LIMA1: variants seen among roughly 807,000 people sequenced by gnomAD.
LIMA1 encodes LIM domain and actin binding 1, also known as LIM domain and actin-binding protein 1.
In LIMA1, 52 loss-of-function variants were observed where a neutral mutation model predicts 62.6. That is an observed-to-expected ratio of 0.83 (90% CI 0.67 to 1.05). LIMA1 has a LOEUF of 1.05. Among genes scored for constraint, LIMA1 ranks in the 50% least tolerant of loss-of-function variants. The pLI is 0.00. For missense variants in LIMA1, 780 were observed against 902.2 expected, an observed-to-expected ratio of 0.86 and a Z score of 1.74; for synonymous variants, 302 against 317.8, an observed-to-expected ratio of 0.95 and a Z score of 0.53.
intron 1 of LIMA1, among the ~76,000 whole-genome samples, chr12:50,280,092 T>A (rs2138718907): frequency 6.6e-6 from 1 of 151,514 alleles, no homozygotes; most frequent in East Asian, 1.9e-4. Flanking sequence ...TACAAAAAAG[T>A]TGCATCTTTT....
At chr12:50,262,973 T>C (rs1412366889) in intron 1 of LIMA1, among the ~76,000 whole-genome samples, 2 of 152,202 alleles carry the variant, frequency 1.3e-5, no homozygotes, top group African/African-American at 4.8e-5. Flanking sequence ...AAAAGTACAC[T>C]GAGGTTTGGA....
At chr12:50,191,669 AAGTT>A (rs1267631663) in intron 9 of LIMA1, among the ~76,000 whole-genome samples, 2 of 151,660 alleles carry the variant, frequency 1.3e-5, no homozygotes, top group East Asian at 1.9e-4. Flanking sequence ...AAACTACAAA[AAGTT>A]AGCCGGGCGT....
chr12:50,222,584 C>T lies in LIMA1; in HGVS notation c.166-99G>A, dbSNP rs541777691. The T allele has an allele frequency of 6.4e-6, 10 of 1,563,956 alleles. No homozygotes were observed. In the South Asian group the frequency reaches 1.0e-4, roughly 16 times the overall value. Reference sequence around the variant, plus strand: ...TGAAAGTTAAAACTCCAAGCTGCTCCTGGTCCACTGCTGTTTCAGACAGCT... The same window carrying T: ...TGAAAGTTAAAACTCCAAGCTGCTCTTGGTCCACTGCTGTTTCAGACAGCT... On this transcript the variant is annotated intron_variant, in intron 3 of 10. Transcript: ENST00000341247.
rs1353573287 is a variant in LIMA1 at position 50,275,674 on chromosome 12, G to T, written c.-24+7746C>A. Among the ~76,000 whole-genome samples the T allele has an allele frequency of 2.0e-5, 3 of 152,158 alleles. No individual in the cohort carries two copies. In the East Asian group the frequency reaches 5.8e-4, roughly 29 times the overall value. On this transcript the variant is annotated intron_variant, in intron 1 of 10. Coordinates refer to ENST00000341247, the MANE Select transcript of LIMA1 (RefSeq NM_016357.5). ...AAAAGGATTTCAACAAGAGGGTGGG[G>T]AAGGGGAGGAGCATGAGGCTGTGGT...
At chr12:50,204,431 G>C in intron 6 of LIMA1, 121 bp downstream of exon 6, 1 of 1,142,520 alleles carries the variant, frequency 8.8e-7, no homozygotes. Flanking sequence ...TGTGAAAAGA[G>C]AACAGCTAGG....
intron 3 of LIMA1, among the ~76,000 whole-genome samples, chr12:50,223,299 A>T (rs1941478371): frequency 6.6e-6 from 1 of 152,000 alleles, no homozygotes; most frequent in Admixed American, 6.6e-5. Context: ...CCAGACCAAC[A>T]TGGAGAAACC....
intron 2 of LIMA1, among the ~76,000 whole-genome samples, chr12:50,247,404 C>G (rs1217640304): frequency 6.6e-6 from 1 of 151,798 alleles, no homozygotes; most frequent in Non-Finnish European, 1.5e-5. Flanking sequence ...CCAAGCCAAA[C>G]AGCCACATGG....
chr12:50,205,838 A>C (rs914367556), intron 5 of LIMA1, 146 bp downstream of exon 5: 39 of 359,444 alleles, frequency 1.1e-4, no homozygotes, highest in Non-Finnish European at 1.9e-4. Context: ...GAGCAATGAG[A>C]TTTGAGAATG....
chr12:50,195,435 AG>A (rs1192046009), intron 8 of LIMA1, among the ~76,000 whole-genome samples: 1 of 152,204 alleles, frequency 6.6e-6, no homozygotes, highest in Admixed American at 6.6e-5. Flanking sequence ...TATCTTTAAC[AG>A]ATTATTCAAA....
chr12:50,269,913 T>G (rs1592568941), intron 1 of LIMA1, among the ~76,000 whole-genome samples: 1 of 88,516 alleles, frequency 1.1e-5, no homozygotes, highest in African/African-American at 5.1e-5. Context: ...AGAGCAAAAC[T>G]CCGTCAAATA....
intron 6 of LIMA1, chr12:50,201,288 A>G (rs2138470603): frequency 2.0e-6 from 2 of 1,008,342 alleles, no homozygotes; most frequent in East Asian, 2.1e-4. Flanking sequence ...TGCCAATAAT[A>G]GAAAATATAC....
intron 1 of LIMA1, among the ~76,000 whole-genome samples, chr12:50,262,256 A>G (rs2138674774): frequency 6.6e-6 from 1 of 152,310 alleles, no homozygotes; most frequent in African/African-American, 2.4e-5. Flanking sequence ...AAGGAAGATG[A>G]GAAATAAAGG....
intron 1 of LIMA1, among the ~76,000 whole-genome samples, chr12:50,265,471 GA>G (rs1443654521): frequency 6.7e-6 from 1 of 150,272 alleles, no homozygotes; most frequent in Non-Finnish European, 1.5e-5. Flanking sequence ...GGTGAGCCAA[GA>G]TCACACCATT....
At chr12:50,258,867 C>T (rs749532227) in intron 1 of LIMA1, among the ~76,000 whole-genome samples, 4 of 150,458 alleles carry the variant, frequency 2.7e-5, no homozygotes, top group African/African-American at 4.9e-5. Context: ...AGGATGGTCT[C>T]GATCTCTTGA....
At chr12:50,234,779 C>T (rs546023862) in intron 2 of LIMA1, among the ~76,000 whole-genome samples, 7 of 152,080 alleles carry the variant, frequency 4.6e-5, no homozygotes, top group African/African-American at 1.4e-4. Context: ...TTTGGGAGGC[C>T]GAGCTGGGCG....
chr12:50,188,293 A>ACTT (rs2138409773), intron 9 of LIMA1: 1 of 152,294 alleles, frequency 6.6e-6, no homozygotes, highest in South Asian at 2.1e-4. Context: ...TGGAGAAACA[A>ACTT]CTTCTGTTCA....
At chr12:50,237,411 C>T (rs1471875168) in intron 2 of LIMA1, among the ~76,000 whole-genome samples, 8 of 152,012 alleles carry the variant, frequency 5.3e-5, no homozygotes, top group African/African-American at 7.2e-5. Flanking sequence ...CCAAGGCGGG[C>T]GGATCTCCTG....
chr12:50,193,643 TG>T (rs1940853015), intron 8 of LIMA1, among the ~76,000 whole-genome samples: 1 of 86,506 alleles, frequency 1.2e-5, no homozygotes, highest in African/African-American at 5.7e-5. Context: ...TGTGTGTGTG[TG>T]TGTGTGTATA....
chr12:50,263,671 C>T (rs77754599), intron 1 of LIMA1, among the ~76,000 whole-genome samples: 3,467 of 151,090 alleles, frequency 0.023, 128 homozygotes, highest in African/African-American at 0.08. Flanking sequence ...AAACTGGAAC[C>T]GTTATACACT....
Sources: allele counts gnomAD v4.1 joint callset (sites outside exome capture counted in the v4.1 genomes callset), GRCh38; gene constraint gnomAD v4.1.1; transcripts MANE v1.5; gene names NCBI Gene and HGNC (gene_info 2026-07-23, HGNC 2026-07-21).